Variants in KPNA7 observed in about 807,000 individuals in gnomAD.
KPNA7 encodes the protein karyopherin subunit alpha 7, also known as importin subunit alpha-8.
Under a neutral mutation model 53.7 loss-of-function variants are expected in KPNA7, and 54 were observed. That is an observed-to-expected ratio of 1.01 (90% CI 0.81 to 1.26). The LOEUF is 1.26. KPNA7 is among the 50% of genes most tolerant of loss of function. The probability of loss-of-function intolerance (pLI) is 0.00; values close to 1 mark genes in which losing one functional copy is unlikely to be tolerated. For missense variants in KPNA7, 640 were observed against 644.5 expected, an observed-to-expected ratio of 0.99 and a Z score of 0.07; for synonymous variants, 276 against 259.3, an observed-to-expected ratio of 1.06 and a Z score of -0.62.
chr7:99,213,449 AAAAAAAAAG>A (rs1192179212), intron 1 of KPNA7, among the ~76,000 whole-genome samples: 4 of 141,540 alleles, frequency 2.8e-5, no homozygotes, highest in African/African-American at 1.2e-4. Flanking sequence ...AAAAAAAAAA[AAAAAAAAAG>A]AGAGAGAGAC....
At chr7:99,153,960 TA>T in the KPNA7 span, among the ~76,000 whole-genome samples, 1 of 151,350 alleles carries the variant, frequency 6.6e-6, no homozygotes. Context: ...AGAGAGTCTC[TA>T]AAAAAAAGAA....
the KPNA7 span, among the ~76,000 whole-genome samples, chr7:99,151,175 C>CT: frequency 2.0e-5 from 3 of 152,060 alleles, no homozygotes; most frequent in African/African-American, 4.8e-5. Context: ...GGTTCCTGCC[C>CT]TTTTTTTCTG....
downstream of KPNA7, among the ~76,000 whole-genome samples, chr7:99,171,843 A>G (rs1798776943): frequency 6.6e-6 from 1 of 152,182 alleles, no homozygotes; most frequent in Non-Finnish European, 1.5e-5. Flanking sequence ...AGCCCCCACA[A>G]TGATGGTAAA....
At chr7:99,146,698 C>T in the KPNA7 span, among the ~76,000 whole-genome samples, 6 of 114,090 alleles carry the variant, frequency 5.3e-5, no homozygotes, top group African/African-American at 2.1e-4. Context: ...GGCAATAGAG[C>T]GAGACTGTGT....
chr7:99,149,737 C>G, the KPNA7 span, among the ~76,000 whole-genome samples: 1 of 152,152 alleles, frequency 6.6e-6, no homozygotes, highest in Non-Finnish European at 1.5e-5. Context: ...TCTTCTCTGT[C>G]TAGGATCTAG....
At chr7:99,181,132 C>CTCT in intron 9 of KPNA7, among the ~76,000 whole-genome samples, 2 of 9,986 alleles carry the variant, frequency 2.0e-4, no homozygotes, top group African/African-American at 4.2e-4. Context: ...TCTCTCTCTC[C>CTCT]GTCTGTGTCT....
chr7:99,208,731 TA>T (rs1246368156), upstream of KPNA7, among the ~76,000 whole-genome samples: 5 of 152,176 alleles, frequency 3.3e-5, no homozygotes, highest in African/African-American at 7.2e-5. Context: ...ACCAGCTCAG[TA>T]GGCTGTGAAC....
At chr7:99,164,634 A>T in the KPNA7 span, among the ~76,000 whole-genome samples, 3 of 1,180 alleles carry the variant, frequency 2.5e-3, no homozygotes, top group African/African-American at 3.9e-3. Context: ...AAAGAATTTA[A>T]AAAAAAAAAA....
intron 8 of KPNA7, among the ~76,000 whole-genome samples, chr7:99,184,064 G>T (rs1789437259): frequency 6.6e-6 from 1 of 151,484 alleles, no homozygotes; most frequent in South Asian, 2.1e-4. Context: ...GGCCAGGCTG[G>T]TATCGAACCC....
At position 99,195,169 on chromosome 7, in the gene KPNA7, C is replaced by A. The variant is rs1045902211; in HGVS notation, c.454G>T (p.Val152Leu). Residue 152 changes from valine (V) to leucine (L), a missense_variant, in exon 5 of 11, where the codon GTG (valine) becomes TTG (leucine). Coordinates refer to ENST00000327442, the MANE Select transcript of KPNA7 (RefSeq NM_001145715.3). ...ASGTSEQTRAVVEGGAIQPLI... is the reference protein window; with the variant it reads ...ASGTSEQTRALVEGGAIQPLI... ...GGCTGGATGGCTCCCCCTTCTACCA[C>A]GGCACGAGTCTGCTCCGAAGTCCCT... The A allele has an allele frequency of 3.2e-6, 5 of 1,551,474 alleles. No individual in the cohort carries two copies. In the African/African-American group the frequency reaches 6.9e-5, roughly 21 times the overall value.
chr7:99,187,789 CCTT>C (rs1328103275), intron 7 of KPNA7, among the ~76,000 whole-genome samples: 50 of 8,086 alleles, frequency 6.2e-3, no homozygotes, highest in African/African-American at 0.014. Flanking sequence ...CCGTGCCCGG[CCTT>C]TTTTTTTAAA....
chr7:99,191,117 A>G (rs2150741256), intron 6 of KPNA7, among the ~76,000 whole-genome samples: 1 of 151,282 alleles, frequency 6.6e-6, no homozygotes, highest in Admixed American at 6.6e-5. Flanking sequence ...TAGAATGGCT[A>G]TGTCCCAGAC....
At chr7:99,161,222 ACTCTCTCTCTCTCTCTCTCTCT>A in the KPNA7 span, among the ~76,000 whole-genome samples, 6,144 of 147,826 alleles carry the variant, frequency 0.042, 219 homozygotes, top group East Asian at 0.17. Flanking sequence ...ATGTACACAA[ACTCTCTCTCTCTCTCTCTCTCT>A]CTCTCTCTCT....
At chr7:99,149,041 G>A in the KPNA7 span, among the ~76,000 whole-genome samples, 2 of 151,532 alleles carry the variant, frequency 1.3e-5, no homozygotes, top group Non-Finnish European at 2.9e-5. Context: ...GATTACAAGC[G>A]TGCCACATCA....
At chr7:99,182,117 G>C (rs6465740) in intron 8 of KPNA7, 52 bp from the exon 9 acceptor site, 4 of 1,392,706 alleles carry the variant, frequency 2.9e-6, no homozygotes, top group Admixed American at 2.5e-5. Context: ...AACCTAAATA[G>C]AGGACACCAA....
chr7:99,165,357 C>G, the KPNA7 span, among the ~76,000 whole-genome samples: 1 of 151,306 alleles, frequency 6.6e-6, no homozygotes, highest in Non-Finnish European at 1.5e-5. Flanking sequence ...GATCTGCCAC[C>G]TAGGGCATCC....
chr7:99,162,766 G>T, the KPNA7 span, among the ~76,000 whole-genome samples: 1 of 152,092 alleles, frequency 6.6e-6, no homozygotes, highest in African/African-American at 2.4e-5. Flanking sequence ...TTTTCTCAAA[G>T]ACCTATCTTT....
chr7:99,163,726 CATT>C, the KPNA7 span, among the ~76,000 whole-genome samples: 1 of 151,916 alleles, frequency 6.6e-6, no homozygotes, highest in African/African-American at 2.4e-5. Context: ...ACCTATTTAA[CATT>C]ATTTAATGTA....
the KPNA7 span, among the ~76,000 whole-genome samples, chr7:99,148,160 C>G: frequency 1.3e-5 from 2 of 152,200 alleles, no homozygotes; most frequent in Non-Finnish European, 2.9e-5. Flanking sequence ...ATACAATCTT[C>G]TAAAGCTATC....
Sources: gnomAD v4.1 joint callset for allele counts (sites outside exome capture counted in the v4.1 genomes callset) on GRCh38, gnomAD v4.1.1 for gene constraint, MANE v1.5 for transcripts, NCBI Gene and HGNC (gene_info 2026-07-23, HGNC 2026-07-21) for gene names.